TCAF1: variants seen among roughly 807,000 people sequenced by gnomAD.
TCAF1 encodes TRPM8 channel associated factor 1, also known as TRPM8 channel-associated factor 1.
TCAF1 carries 4 observed loss-of-function variants against 27.3 expected under a neutral mutation model. The ratio of observed to expected loss-of-function variants is 0.15; its 90% CI spans 0.07 to 0.34. The LOEUF (loss-of-function observed/expected upper bound fraction) is 0.34, where lower values mean the gene tolerates loss of function less well. Among genes scored for constraint, TCAF1 ranks in the 10% least tolerant of loss-of-function variants. The pLI is 1.00. For missense variants in TCAF1, 257 were observed against 425.8 expected (o/e 0.60, Z 3.49); for synonymous variants, 105 against 167.1 (o/e 0.63, Z 2.87).
chr7:143,885,577 A>G, intron 1 of TCAF1: 1 of 983,468 alleles, frequency 1.0e-6, no homozygotes, highest in Middle Eastern at 5.2e-4. Context: ...GTTCATTAAC[A>G]AGGGAGCGAT....
At chr7:143,876,885 G>A (rs1812747994) in intron 1 of TCAF1, among the ~76,000 whole-genome samples, 1 of 152,066 alleles carries the variant, frequency 6.6e-6, no homozygotes, top group Non-Finnish European at 1.5e-5. Context: ...GAAAGAATGA[G>A]CAAGGAATTG....
chr7:143,876,734 G>A, intron 1 of TCAF1, 112 bp from the exon 2 acceptor site: 2 of 760,494 alleles, frequency 2.6e-6, no homozygotes, highest in Non-Finnish European at 3.8e-6. Context: ...ATGCAGATGA[G>A]GCTGACACTG....
chr7:143,882,986 G>C (rs979363775), intron 1 of TCAF1: 44 of 579,250 alleles, frequency 7.6e-5, no homozygotes, highest in Non-Finnish European at 9.4e-5. Flanking sequence ...TCTTTGTGTC[G>C]CCGGCCCTGG....
chr7:143,879,544 T>G (rs887824476), intron 1 of TCAF1, among the ~76,000 whole-genome samples: 7 of 152,220 alleles, frequency 4.6e-5, no homozygotes, highest in African/African-American at 1.7e-4. Context: ...TGCCTATCTT[T>G]AGACCCAACA....
intron 1 of TCAF1, among the ~76,000 whole-genome samples, chr7:143,898,545 CAAT>C (rs1562975444): frequency 3.9e-5 from 6 of 151,994 alleles, no homozygotes; most frequent in African/African-American, 9.6e-5. Flanking sequence ...ATGCCAGCAA[CAAT>C]AAACTACAAA....
intron 1 of TCAF1, among the ~76,000 whole-genome samples, chr7:143,887,387 GTGTTTA>G (rs1411252905): frequency 6.6e-6 from 1 of 152,042 alleles, no homozygotes; most frequent in Non-Finnish European, 1.5e-5. Flanking sequence ...CTATAATTGC[GTGTTTA>G]TGTTTAAGCA....
chr7:143,893,763 T>A (rs187324411), intron 1 of TCAF1, among the ~76,000 whole-genome samples: 1 of 149,192 alleles, frequency 6.7e-6, no homozygotes, highest in African/African-American at 2.6e-5. Context: ...CAAAAGCAAT[T>A]ACTTAATAAA....
At chr7:143,859,407 GC>G (rs1317404288) in intron 6 of TCAF1, among the ~76,000 whole-genome samples, 1 of 142,480 alleles carries the variant, frequency 7.0e-6, no homozygotes, top group Non-Finnish European at 1.5e-5. Context: ...AGGAGATGCA[GC>G]TTATATATAA....
intron 1 of TCAF1, chr7:143,882,845 C>A (rs1387740853): frequency 4.1e-6 from 4 of 985,504 alleles, no homozygotes; most frequent in African/African-American, 1.7e-5. Context: ...GCGACCGAGC[C>A]GGGATTTGGG....
chr7:143,898,356 G>GA (rs1813980340), intron 1 of TCAF1, among the ~76,000 whole-genome samples: 1 of 152,102 alleles, frequency 6.6e-6, no homozygotes, highest in East Asian at 1.9e-4. Flanking sequence ...TCATAAGACA[G>GA]AAAAAATAAA....
At chr7:143,892,235 C>T (rs1160859281) in intron 1 of TCAF1, among the ~76,000 whole-genome samples, 1 of 151,730 alleles carries the variant, frequency 6.6e-6, no homozygotes, top group Non-Finnish European at 1.5e-5. Context: ...TTATGGAATA[C>T]AGAAGCATAT....
chr7:143,901,749 C>T (rs1442961870), intron 1 of TCAF1, among the ~76,000 whole-genome samples: 3 of 152,214 alleles, frequency 2.0e-5, no homozygotes, highest in African/African-American at 7.2e-5. Context: ...GTCATCGCCT[C>T]CTGCCCAGCA....
At chr7:143,859,955 A>G (rs1385427335) in intron 6 of TCAF1, among the ~76,000 whole-genome samples, 1 of 34,564 alleles carries the variant, frequency 2.9e-5, no homozygotes, top group Non-Finnish European at 5.8e-5. Flanking sequence ...AATATATATT[A>G]CGGAATATAT....
intron 1 of TCAF1, among the ~76,000 whole-genome samples, chr7:143,899,687 G>C (rs928458802): frequency 2.6e-5 from 4 of 152,122 alleles, no homozygotes; most frequent in African/African-American, 9.7e-5. Context: ...TAAAGACATA[G>C]AGAGAAAGAA....
chr7:143,860,561 CT>C (rs1469190770), intron 5 of TCAF1, 114 bp from the exon 6 acceptor site: 1 of 477,638 alleles, frequency 2.1e-6, no homozygotes. Context: ...TATCCCTCCT[CT>C]TTTTTAAAAA....
At position 143,852,081 on chromosome 7, in the gene TCAF1, C is replaced by T. The variant is rs1471692748; in HGVS notation, c.*2052G>A. 2.0e-5 allele frequency: 3 copies of T among 151,506 alleles called. No homozygotes were observed. Among genetic ancestry groups the T allele is most frequent in the Non-Finnish European group, 4.4e-5 (3 of 67,934 alleles). The allele number at this position is 151,506 out of a possible 1,614,324, so 9.4% of individuals were successfully genotyped here. A position where few individuals can be genotyped will look rare whatever the true frequency, so the allele number is the denominator to read the frequency against. On this transcript the variant is annotated 3_prime_UTR_variant, in exon 9 of 9. Coordinates refer to ENST00000479870, the MANE Select transcript of TCAF1 (RefSeq NM_014719.3). The stretch of plus-strand genomic sequence containing the variant: ...CCCTACACACCCAATATCATCATGC[C>T]TGTGCCATAGAAAAGGAAATGTACC...
chr7:143,888,844 G>C (rs888946311), intron 1 of TCAF1, among the ~76,000 whole-genome samples: 2 of 152,086 alleles, frequency 1.3e-5, no homozygotes, highest in African/African-American at 2.4e-5. Context: ...TTACAAACAA[G>C]AGAATCAGAA....
At chr7:143,900,527 C>T (rs770631262) in intron 1 of TCAF1, among the ~76,000 whole-genome samples, 1 of 152,022 alleles carries the variant, frequency 6.6e-6, no homozygotes, top group Admixed American at 6.5e-5. Context: ...CTCGACCCTA[C>T]GCCTAGCCTT....
Position 143,852,447 on chromosome 7 carries a change from TTCA to T in TCAF1, c.*1683_*1685del, listed in dbSNP as rs1303637115. 2 of 152,852 alleles carry T rather than the reference TTCA, an allele frequency of 1.3e-5. No homozygotes were observed. Among genetic ancestry groups the T allele is most frequent in the African/African-American group, 4.8e-5 (2 of 41,458 alleles). The allele number at this position is 152,852 out of a possible 1,614,324, so 9.5% of individuals were successfully genotyped here. On this transcript the variant is annotated 3_prime_UTR_variant, in exon 9 of 9. Coordinates refer to ENST00000479870, the MANE Select transcript of TCAF1 (RefSeq NM_014719.3). ...TCCCATTTCTTCTTCTTTCCTGGTT[TTCA>T]TCCTCATTTTGCTGGAGAATTTCCT...
Sources: gnomAD v4.1 joint callset for allele counts (sites outside exome capture counted in the v4.1 genomes callset) on GRCh38, gnomAD v4.1.1 for gene constraint, MANE v1.5 for transcripts, NCBI Gene and HGNC (gene_info 2026-07-23, HGNC 2026-07-21) for gene names.